PC: variants seen among roughly 807,000 people sequenced by gnomAD.
PC encodes the protein pyruvate carboxylase, mitochondrial.
In PC, 46 loss-of-function variants were observed where a neutral mutation model predicts 107.8. That is an observed-to-expected ratio of 0.43 (90% CI 0.34 to 0.55). PC has a LOEUF of 0.55. PC is among the 20% of genes least tolerant of loss of function. PC has a pLI of 0.04. For synonymous variants in PC, 662 were observed against 684.7 expected (o/e 0.97, Z 0.52); for missense variants, 1,241 against 1,643.1 (o/e 0.76, Z 4.23).
intron 3 of PC, among the ~76,000 whole-genome samples, chr11:66,882,899 C>A (rs891206624): frequency 6.6e-6 from 1 of 152,192 alleles, no homozygotes. Context: ...CAAGAGAGGA[C>A]AGACTGAGGC....
intron 2 of PC, among the ~76,000 whole-genome samples, chr11:66,953,750 G>A (rs1455224620): frequency 6.6e-6 from 1 of 152,196 alleles, no homozygotes. Context: ...CAAGTTGTTA[G>A]GGGCTGGTTA....
At chr11:66,955,829 G>C (rs545007304) in intron 1 of PC, among the ~76,000 whole-genome samples, 1 of 151,582 alleles carries the variant, frequency 6.6e-6, no homozygotes, top group Non-Finnish European at 1.5e-5. Context: ...CTGGAGTGCA[G>C]GGGCGTGATC....
At chr11:66,853,425 C>A (rs758209193) in intron 12 of PC, 42 bp from the exon 13 acceptor site, 411 of 1,611,476 alleles carry the variant, frequency 2.6e-4, no homozygotes, top group Non-Finnish European at 3.4e-4. Flanking sequence ...CCATGCAGCA[C>A]AGACAGGGAA....
At chr11:66,903,041 C>T (rs980266554) in intron 3 of PC, among the ~76,000 whole-genome samples, 1 of 152,234 alleles carries the variant, frequency 6.6e-6, no homozygotes, top group Non-Finnish European at 1.5e-5. Context: ...TTCTGCTCCA[C>T]ATTAGCAGGG....
intron 3 of PC, among the ~76,000 whole-genome samples, chr11:66,908,227 A>G (rs1948225236): frequency 1.3e-5 from 2 of 152,178 alleles, no homozygotes; most frequent in African/African-American, 4.8e-5. Context: ...GGAAAGGAGC[A>G]GAAGATTCAA....
chr11:66,885,977 G>A (rs528856971), intron 3 of PC, among the ~76,000 whole-genome samples: 6 of 152,316 alleles, frequency 3.9e-5, no homozygotes, highest in African/African-American at 1.2e-4. Context: ...CCTCTCATCC[G>A]CACATCCTGA....
intron 3 of PC, among the ~76,000 whole-genome samples, chr11:66,946,922 T>C (rs908071734): frequency 6.6e-6 from 1 of 152,008 alleles, no homozygotes; most frequent in Non-Finnish European, 1.5e-5. Context: ...ATTAGGAAAA[T>C]TCAAATTGAA....
At chr11:66,873,433 T>TTA (rs1225310137) in intron 3 of PC, among the ~76,000 whole-genome samples, 1 of 83,706 alleles carries the variant, frequency 1.2e-5, no homozygotes, top group Non-Finnish European at 2.1e-5. Flanking sequence ...ATTATATATA[T>TTA]TATATATTAT....
intron 12 of PC, among the ~76,000 whole-genome samples, chr11:66,862,828 C>G (rs1013593040): frequency 2.0e-5 from 3 of 152,246 alleles, no homozygotes; most frequent in African/African-American, 7.2e-5. Context: ...ACAAGCCGAG[C>G]TGCCAGCCCA....
chr11:66,957,582 C>G (rs1370889012), intron 1 of PC, among the ~76,000 whole-genome samples: 8 of 152,230 alleles, frequency 5.3e-5, no homozygotes, highest in Non-Finnish European at 1.5e-5. Context: ...CGCCACTGCA[C>G]TCCAGCCTGG....
At chr11:66,950,651 T>C (rs1468275669) in intron 3 of PC, among the ~76,000 whole-genome samples, 1 of 152,142 alleles carries the variant, frequency 6.6e-6, no homozygotes, top group African/African-American at 2.4e-5. Context: ...ACAAATTACA[T>C]AACCTGGAAG....
chr11:66,863,664 G>A, intron 12 of PC, 110 bp downstream of exon 12: 1 of 1,182,342 alleles, frequency 8.5e-7, no homozygotes, highest in Non-Finnish European at 1.2e-6. Flanking sequence ...CCATCAGTCA[G>A]GGGCAAGGCT....
chr11:66,862,284 AG>A (rs1264374069), intron 12 of PC, among the ~76,000 whole-genome samples: 1 of 152,154 alleles, frequency 6.6e-6, no homozygotes. Context: ...CCTGGCCTCT[AG>A]GAAGTGCGCT....
At chr11:66,878,432 G>GAA (rs1479812494) in intron 3 of PC, among the ~76,000 whole-genome samples, 14 of 152,240 alleles carry the variant, frequency 9.2e-5, no homozygotes, top group Non-Finnish European at 2.1e-4. Context: ...CCAAAGGCCG[G>GAA]TCACCTCCAG....
chr11:66,896,816 G>A (rs1267331894), intron 3 of PC, among the ~76,000 whole-genome samples: 6 of 152,184 alleles, frequency 3.9e-5, no homozygotes, highest in South Asian at 2.1e-4. Flanking sequence ...CTATATATAC[G>A]CACATACACT....
At chr11:66,924,192 A>T (rs959645737) in intron 3 of PC, among the ~76,000 whole-genome samples, 15 of 147,102 alleles carry the variant, frequency 1.0e-4, no homozygotes, top group African/African-American at 3.8e-4. Flanking sequence ...ACAGAGCAAG[A>T]CTCTATCTCA....
rs533552926 is a variant in PC, at chr11:66,884,244, C to CAA, written c.1-12087_1-12086dup. Among the ~76,000 whole-genome samples the CAA allele has an allele frequency of 5.6e-4, 48 of 86,478 alleles. 1 individual carries two copies. The highest frequency in any genetic ancestry group is 1.7e-3 in the East Asian group (5 of 2,988). The allele number at this position is 86,478 out of a possible 152,430, so 56.7% of individuals were successfully genotyped here. On this transcript the variant is annotated intron_variant, in intron 3 of 22. Coordinates refer to ENST00000393960, the MANE Select transcript of PC (RefSeq NM_001040716.2). ...GGGCAACAAGAGCAAAACTCCATCT[C>CAA]AAAAAAAAAAAAAAAAAATTAGCTG...
At chr11:66,873,185 T>C (rs2380758) in intron 3 of PC, among the ~76,000 whole-genome samples, 7,199 of 146,424 alleles carry the variant, frequency 0.049, 332 homozygotes, top group African/African-American at 0.12. Flanking sequence ...ACAGAAAATA[T>C]AAAACTTAGC....
At chr11:66,925,995 G>GT (rs1475598728) in intron 3 of PC, among the ~76,000 whole-genome samples, 1 of 151,192 alleles carries the variant, frequency 6.6e-6, no homozygotes, top group Non-Finnish European at 1.5e-5. Flanking sequence ...TATCTAAGAA[G>GT]TTTTTTAGAA....
Sources: allele counts gnomAD v4.1 joint callset (sites outside exome capture counted in the v4.1 genomes callset), GRCh38; gene constraint gnomAD v4.1.1; transcripts MANE v1.5; gene names NCBI Gene and HGNC (gene_info 2026-07-23, HGNC 2026-07-21).